The following PTPRD variants were observed in gnomAD, a reference collection of about 807,000 sequenced individuals.
PTPRD encodes protein tyrosine phosphatase receptor type D.
A neutral mutation model predicts 214.5 loss-of-function variants in PTPRD; 34 were observed. The ratio of observed to expected loss-of-function variants is 0.16; its 90% CI spans 0.12 to 0.21. The LOEUF (loss-of-function observed/expected upper bound fraction) is 0.21. Among genes scored for constraint, PTPRD ranks in the 10% least tolerant of loss-of-function variants. PTPRD has a pLI of 1.00. For synonymous variants in PTPRD, 1,128 were observed against 845.7 expected, an observed-to-expected ratio of 1.33 and a Z score of -5.79; for missense variants, 2,545 against 2,398.7, an observed-to-expected ratio of 1.06 and a Z score of -1.27.
intron 11 of PTPRD, among the ~76,000 whole-genome samples, chr9:8,986,064 T>C (rs2099343729): frequency 6.6e-6 from 1 of 152,100 alleles, no homozygotes; most frequent in African/African-American, 2.4e-5. Context: ...TGGAAAAAGC[T>C]TGGAAGGACC....
chr9:9,809,743 T>G (rs1183209343), intron 5 of PTPRD, among the ~76,000 whole-genome samples: 1 of 152,126 alleles, frequency 6.6e-6, no homozygotes, highest in African/African-American at 2.4e-5. Context: ...AAGCTAACAC[T>G]GACATTCAGA....
At chr9:9,424,207 G>C (rs945941132) in intron 8 of PTPRD, among the ~76,000 whole-genome samples, 1 of 152,188 alleles carries the variant, frequency 6.6e-6, no homozygotes, top group Non-Finnish European at 1.5e-5. Flanking sequence ...CTTCATCACA[G>C]TTTTACTTCT....
chr9:8,359,777 A>T (rs2077998314), intron 39 of PTPRD, among the ~76,000 whole-genome samples: 1 of 152,184 alleles, frequency 6.6e-6, no homozygotes, highest in Non-Finnish European at 1.5e-5. Context: ...TTTCAGTTGC[A>T]TTGCTTTGTT....
intron 3 of PTPRD, among the ~76,000 whole-genome samples, chr9:10,213,836 T>C (rs982360465): frequency 2.6e-5 from 4 of 152,098 alleles, no homozygotes; most frequent in African/African-American, 9.7e-5. Context: ...TCACCCTTAG[T>C]TTTCTTATTC....
At chr9:10,543,493 CACACACACACACAA>C (rs2135382949) in intron 2 of PTPRD, among the ~76,000 whole-genome samples, 1 of 151,372 alleles carries the variant, frequency 6.6e-6, no homozygotes, top group African/African-American at 2.4e-5. Context: ...CACACACACA[CACACACACACACAA>C]ACACACACAC....
intron 3 of PTPRD, among the ~76,000 whole-genome samples, chr9:10,246,574 T>G (rs572405904): frequency 6.6e-6 from 1 of 152,256 alleles, no homozygotes; most frequent in Admixed American, 6.6e-5. Flanking sequence ...TTCTAATTCC[T>G]GCAGAGTTCA....
intron 11 of PTPRD, among the ~76,000 whole-genome samples, chr9:8,938,461 G>A (rs144811253): frequency 2.0e-5 from 3 of 152,014 alleles, no homozygotes; most frequent in African/African-American, 4.8e-5. Flanking sequence ...CCATTAATCC[G>A]CCTTGCTGGC....
intron 14 of PTPRD, among the ~76,000 whole-genome samples, chr9:8,585,180 T>C (rs934956984): frequency 6.6e-6 from 1 of 152,132 alleles, no homozygotes; most frequent in Admixed American, 6.5e-5. Context: ...AAATATGAAA[T>C]ATGAAATTCA....
intron 11 of PTPRD, among the ~76,000 whole-genome samples, chr9:8,741,505 C>A (rs2091910148): frequency 1.4e-5 from 2 of 147,948 alleles, no homozygotes; most frequent in African/African-American, 5.0e-5. Context: ...GATAGATATG[C>A]AATCCAGCCA....
chr9:8,972,240 C>T (rs2099243036), intron 11 of PTPRD, among the ~76,000 whole-genome samples: 1 of 151,802 alleles, frequency 6.6e-6, no homozygotes, highest in Non-Finnish European at 1.5e-5. Context: ...TTAATAAATG[C>T]ATGTTAAATT....
At chr9:8,411,123 G>A (rs1156994982) in intron 35 of PTPRD, among the ~76,000 whole-genome samples, 4 of 151,902 alleles carry the variant, frequency 2.6e-5, no homozygotes, top group Non-Finnish European at 5.9e-5. Flanking sequence ...AGGCCAACAT[G>A]AGGTACTCTC....
intron 8 of PTPRD, among the ~76,000 whole-genome samples, chr9:9,565,432 A>G (rs2154295932): frequency 6.6e-6 from 1 of 152,060 alleles, no homozygotes; most frequent in East Asian, 1.9e-4. Flanking sequence ...AAATCTAAAT[A>G]AGGATTGGAA....
chr9:9,349,814 A>G (rs763202899), intron 9 of PTPRD, among the ~76,000 whole-genome samples: 1 of 151,978 alleles, frequency 6.6e-6, no homozygotes, highest in Non-Finnish European at 1.5e-5. Context: ...TGGGGACAGA[A>G]TCTGCATTTC....
At chr9:9,261,601 A>G (rs2099980129) in intron 9 of PTPRD, among the ~76,000 whole-genome samples, 2 of 151,618 alleles carry the variant, frequency 1.3e-5, no homozygotes, top group South Asian at 4.1e-4. Flanking sequence ...GGTAGAAAGC[A>G]AACCTCTAAT....
At chr9:9,747,355 G>A (rs2098468087) in intron 6 of PTPRD, among the ~76,000 whole-genome samples, 1 of 152,120 alleles carries the variant, frequency 6.6e-6, no homozygotes, top group African/African-American at 2.4e-5. Flanking sequence ...CATTTCTAGA[G>A]TTCATGGCAG....
chr9:9,493,497 T>C lies in PTPRD; in HGVS notation c.-237+81235A>G, dbSNP rs78321266. On this transcript the variant is annotated intron_variant, in intron 8 of 45. Coordinates refer to ENST00000381196, the MANE Select transcript of PTPRD (RefSeq NM_002839.4). ...CTTTCCAGTTTTATTATTTAAGAAA[T>C]ACATTTTGTGTCCGGGTAGGGTGGC... Among the ~76,000 whole-genome samples, 913 of 152,184 alleles carry C rather than the reference T, an allele frequency of 6.0e-3. 5 individuals are homozygous for C. The highest frequency in any genetic ancestry group is 0.02 in the African/African-American group (816 of 41,532).
intron 8 of PTPRD, among the ~76,000 whole-genome samples, chr9:9,486,690 G>A (rs189083986): frequency 6.6e-6 from 1 of 151,988 alleles, no homozygotes; most frequent in Admixed American, 6.6e-5. Flanking sequence ...CTTAAATAAC[G>A]TACAATCTTC....
chr9:8,529,015 GGATGCAGTGAGTTTTCCAA>G (rs1258592696), intron 14 of PTPRD, among the ~76,000 whole-genome samples: 1 of 152,042 alleles, frequency 6.6e-6, no homozygotes, highest in Non-Finnish European at 1.5e-5. Context: ...TATGATGAGG[GGATGCAGTGAGTTTTCCAA>G]GAGCAAAGAG....
intron 11 of PTPRD, among the ~76,000 whole-genome samples, chr9:8,881,984 A>G (rs777082948): frequency 2.6e-5 from 4 of 152,182 alleles, no homozygotes; most frequent in Non-Finnish European, 5.9e-5. Context: ...GATTGGGCTG[A>G]CTGTTGTCAA....
Sources: gnomAD v4.1 joint callset for allele counts (sites outside exome capture counted in the v4.1 genomes callset) on GRCh38, gnomAD v4.1.1 for gene constraint, MANE v1.5 for transcripts, NCBI Gene and HGNC (gene_info 2026-07-23, HGNC 2026-07-21) for gene names.